The following SORCS3 variants were observed in gnomAD, a reference collection of about 807,000 sequenced individuals.
The protein encoded by SORCS3 is sortilin related VPS10 domain containing receptor 3, also known as VPS10 domain-containing receptor SorCS3.
In SORCS3, 57 loss-of-function variants were observed where a neutral mutation model predicts 146.3. The ratio of observed to expected loss-of-function variants is 0.39; its 90% confidence interval spans 0.31 to 0.49. The LOEUF is 0.49. SORCS3 is among the 20% of genes least tolerant of loss of function. The probability of loss-of-function intolerance (pLI) is 0.92; values close to 1 mark genes in which losing one functional copy is unlikely to be tolerated. For missense variants in SORCS3, 1,341 were observed against 1,575.5 expected (o/e 0.85, Z 2.52); for synonymous variants, 653 against 618.5 (o/e 1.06, Z -0.83).
intron 13 of SORCS3, among the ~76,000 whole-genome samples, chr10:105,176,324 G>A (rs1481652179): frequency 6.6e-6 from 1 of 151,772 alleles, no homozygotes; most frequent in Admixed American, 6.6e-5. Flanking sequence ...TGGGAGGATT[G>A]CTTGCAGCCA....
chr10:105,042,489 T>C (rs2055344263), intron 4 of SORCS3, among the ~76,000 whole-genome samples: 1 of 152,164 alleles, frequency 6.6e-6, no homozygotes, highest in African/African-American at 2.4e-5. Context: ...CTTATAGGGA[T>C]GCTGGCTTAT....
At chr10:105,166,241 T>C (rs1173784619) in intron 12 of SORCS3, among the ~76,000 whole-genome samples, 1 of 152,118 alleles carries the variant, frequency 6.6e-6, no homozygotes, top group African/African-American at 2.4e-5. Flanking sequence ...CTCTTACACA[T>C]TCACCCCTTA....
chr10:105,252,967 A>G, intron 23 of SORCS3, 61 bp downstream of exon 23: 1 of 1,567,340 alleles, frequency 6.4e-7, no homozygotes, highest in Non-Finnish European at 8.6e-7. Context: ...AGAGGGCACA[A>G]AGCTGTTTTC....
At chr10:104,787,870 C>T (rs556375832) in intron 1 of SORCS3, among the ~76,000 whole-genome samples, 34 of 152,278 alleles carry the variant, frequency 2.2e-4, no homozygotes, top group African/African-American at 7.9e-4. Context: ...TACAAGCAGA[C>T]GGCTCTCTGC....
intron 5 of SORCS3, among the ~76,000 whole-genome samples, chr10:105,068,371 G>T (rs1044465348): frequency 6.6e-6 from 1 of 152,128 alleles, no homozygotes; most frequent in African/African-American, 2.4e-5. Context: ...TGGCCCCCTT[G>T]TTGAATTTAT....
In SORCS3 at chr10:105,263,486, G is replaced by T. The variant is rs2056973890; in HGVS notation, c.*112G>T. Reference sequence around the variant, plus strand: ...CTTTTTTACCTTTTGTTTACCAAGGGCCCCTTCATAAATAGCAGGCAAATG... The same window carrying T: ...CTTTTTTACCTTTTGTTTACCAAGGTCCCCTTCATAAATAGCAGGCAAATG... On this transcript the variant is annotated 3_prime_UTR_variant, in exon 27 of 27. Coordinates refer to ENST00000369701, the MANE Select transcript of SORCS3 (RefSeq NM_014978.3). 2.8e-6 allele frequency: 3 copies of T among 1,062,024 alleles called. No homozygotes were observed. In the Admixed American group the frequency reaches 6.5e-5, roughly 23 times the overall value. The allele number at this position is 1,062,024 out of a possible 1,614,324, so 65.8% of individuals were successfully genotyped here. A position where few individuals can be genotyped will look rare whatever the true frequency, so the allele number is the denominator to read the frequency against.
intron 6 of SORCS3, among the ~76,000 whole-genome samples, chr10:105,102,125 C>T (rs1323889677): frequency 3.3e-5 from 5 of 152,144 alleles, no homozygotes; most frequent in African/African-American, 9.7e-5. Context: ...GCTGTTGCTA[C>T]AGGGTCAGGG....
chr10:105,017,509 C>T (rs986710702), intron 4 of SORCS3, among the ~76,000 whole-genome samples: 56 of 152,246 alleles, frequency 3.7e-4, no homozygotes, highest in African/African-American at 1.3e-3. Flanking sequence ...TTAAAGATGG[C>T]ACAGTCCAGT....
chr10:105,055,132 G>C (rs1471856878), intron 5 of SORCS3, among the ~76,000 whole-genome samples: 1 of 151,948 alleles, frequency 6.6e-6, no homozygotes, highest in Non-Finnish European at 1.5e-5. Context: ...CTTCATATTA[G>C]CTCTACATGT....
chr10:105,160,080 T>C (rs1446074478), intron 11 of SORCS3, among the ~76,000 whole-genome samples: 6 of 152,272 alleles, frequency 3.9e-5, no homozygotes, highest in South Asian at 4.1e-4. Context: ...TCCATGTGGA[T>C]TGGTTTTTCC....
Position 104,805,546 on chromosome 10 carries a change from C to G in SORCS3, c.628-37246C>G, listed in dbSNP as rs57028235. ...GGGCCAAAGAGTCACCCTGAGGAGT[C>G]AGGATTTACCATGGGAGGTAGTAGG... On this transcript the variant is annotated intron_variant, in intron 1 of 26. Coordinates refer to ENST00000369701, the MANE Select transcript of SORCS3 (RefSeq NM_014978.3). Among the ~76,000 whole-genome samples the G allele has an allele frequency of 4.3e-3, 655 of 152,162 alleles. 3 individuals are homozygous for G. The highest frequency in any genetic ancestry group is 0.015 in the African/African-American group (611 of 41,524).
intron 25 of SORCS3, 76 bp downstream of exon 25, chr10:105,257,000 TA>T (rs1275179228): frequency 5.9e-6 from 6 of 1,015,306 alleles, no homozygotes; most frequent in Non-Finnish European, 9.2e-6. Flanking sequence ...CTAACTTTAC[TA>T]AACTCATCGC....
At chr10:104,775,092 C>T (rs1304290771) in intron 1 of SORCS3, among the ~76,000 whole-genome samples, 3 of 152,146 alleles carry the variant, frequency 2.0e-5, no homozygotes, top group Admixed American at 2.0e-4. Flanking sequence ...TTAACTCAAG[C>T]ATTTATTGAG....
intron 2 of SORCS3, among the ~76,000 whole-genome samples, chr10:104,869,622 T>A (rs1283387685): frequency 1.3e-5 from 2 of 152,240 alleles, no homozygotes; most frequent in African/African-American, 2.4e-5. Flanking sequence ...CTAGGCACTA[T>A]CACCAACCAT....
At chr10:104,779,965 C>G (rs543878031) in intron 1 of SORCS3, among the ~76,000 whole-genome samples, 2 of 152,020 alleles carry the variant, frequency 1.3e-5, no homozygotes, top group African/African-American at 4.8e-5. Flanking sequence ...GTCATTCATC[C>G]GAGGGAGGCT....
At chr10:104,674,803 A>G (rs1282969895) in intron 1 of SORCS3, among the ~76,000 whole-genome samples, 3 of 152,164 alleles carry the variant, frequency 2.0e-5, no homozygotes, top group Non-Finnish European at 4.4e-5. Flanking sequence ...TATGTCTGTG[A>G]GATTTAACCC....
chr10:105,204,927 T>A (rs905616123), intron 16 of SORCS3, among the ~76,000 whole-genome samples: 1 of 152,234 alleles, frequency 6.6e-6, no homozygotes, highest in Non-Finnish European at 1.5e-5. Context: ...TGTTTGCTGG[T>A]CTTTAATGCT....
chr10:104,651,679 G>C (rs2015561941), intron 1 of SORCS3, among the ~76,000 whole-genome samples: 1 of 152,014 alleles, frequency 6.6e-6, no homozygotes, highest in Non-Finnish European at 1.5e-5. Flanking sequence ...GCATTCCCCA[G>C]CCTGGGTGAC....
At chr10:104,757,862 C>G (rs1057093045) in intron 1 of SORCS3, among the ~76,000 whole-genome samples, 1 of 54,814 alleles carries the variant, frequency 1.8e-5, no homozygotes, top group African/African-American at 8.0e-5. Context: ...CCACCACCCC[C>G]CCCCCCACAC....
Sources: gnomAD v4.1 joint callset for allele counts (sites outside exome capture counted in the v4.1 genomes callset) on GRCh38, gnomAD v4.1.1 for gene constraint, MANE v1.5 for transcripts, NCBI Gene and HGNC (gene_info 2026-07-23, HGNC 2026-07-21) for gene names.